FRMPD2: variants seen among roughly 807,000 people sequenced by gnomAD.
The protein encoded by FRMPD2 is FERM and PDZ domain containing 2, also known as FERM and PDZ domain-containing protein 2.
FRMPD2 carries 96 observed loss-of-function variants against 140.1 expected under a neutral mutation model. That is an observed-to-expected ratio of 0.69 (90% CI 0.58 to 0.81). The LOEUF is 0.81. FRMPD2 is among the 40% of genes least tolerant of loss of function. The pLI, the probability that FRMPD2 is intolerant of heterozygous loss-of-function variation, is 0.00. For missense variants in FRMPD2, 1,240 were observed against 1,447.4 expected (o/e 0.86, Z 2.32); for synonymous variants, 449 against 547.6 (o/e 0.82, Z 2.52).
intron 21 of FRMPD2, among the ~76,000 whole-genome samples, chr10:48,180,129 T>C (rs1838506641): frequency 6.6e-6 from 1 of 152,044 alleles, no homozygotes; most frequent in Non-Finnish European, 1.5e-5. Context: ...CACCCTGTCC[T>C]CACTCATCCC....
rs1318231677 is a variant in FRMPD2, at chr10:48,219,175, C to A, written c.1455+3138G>T. ...CTTAGGATCTCAAGGATTTAAAGGTCCTTTTGAAGATTTCTGGGGCAGAAG... is the reference window on the plus strand; with the variant it reads ...CTTAGGATCTCAAGGATTTAAAGGTACTTTTGAAGATTTCTGGGGCAGAAG... On this transcript the variant is annotated intron_variant, in intron 12 of 28. Coordinates refer to ENST00000374201, the MANE Select transcript of FRMPD2 (RefSeq NM_001018071.4). 3.3e-5 allele frequency among the ~76,000 whole-genome samples: 5 copies of A among 151,650 alleles called. No individual in the cohort carries two copies. In the East Asian group the frequency reaches 5.8e-4, roughly 18 times the overall value.
chr10:48,259,498 AT>A (rs1295637716), intron 1 of FRMPD2, among the ~76,000 whole-genome samples: 1 of 152,222 alleles, frequency 6.6e-6, no homozygotes, highest in Admixed American at 6.5e-5. Context: ...AATTTAAAGT[AT>A]TATGCGCTAT....
chr10:48,252,218 CAG>C (rs1840402407), intron 1 of FRMPD2, among the ~76,000 whole-genome samples: 1 of 152,142 alleles, frequency 6.6e-6, no homozygotes, highest in Non-Finnish European at 1.5e-5. Flanking sequence ...ACTCACTAGA[CAG>C]AAGTATAAGC....
rs369047715 is a variant in FRMPD2 at position 48,251,710 on chromosome 10, T to C, written c.26-19A>G. The C allele has an allele frequency of 7.2e-5, 116 of 1,613,704 alleles. No homozygotes were observed. The highest frequency in any genetic ancestry group is 9.5e-5 in the Non-Finnish European group (112 of 1,179,758). On this transcript the variant is annotated intron_variant, in intron 1 of 28. Coordinates refer to ENST00000374201, the MANE Select transcript of FRMPD2 (RefSeq NM_001018071.4). ...CTCATGCCTACAATAAAGACATGCA[T>C]GTGACAGGGCCTCTGCAATGTCCAG...
At chr10:48,192,650 G>C (rs1193193869) in intron 16 of FRMPD2, 34 bp downstream of exon 16, 2 of 1,572,664 alleles carry the variant, frequency 1.3e-6, no homozygotes, top group East Asian at 4.5e-5. Flanking sequence ...GCACATGGTG[G>C]TTTGGGCCCA....
chr10:48,235,303 T>C (rs1291508790), intron 9 of FRMPD2, among the ~76,000 whole-genome samples: 1 of 152,206 alleles, frequency 6.6e-6, no homozygotes, highest in African/African-American at 2.4e-5. Flanking sequence ...ACACAGTGGG[T>C]GCCCGTCAGC....
chr10:48,240,553 T>C (rs1840084171), intron 5 of FRMPD2, 61 bp from the exon 6 acceptor site: 2 of 1,601,126 alleles, frequency 1.2e-6, no homozygotes, highest in African/African-American at 1.3e-5. Context: ...TTTTTATAGA[T>C]ACATGCAAAC....
In FRMPD2 at chr10:48,201,370, G is replaced by A. The variant is rs767225983; in HGVS notation, c.1812C>T (p.Thr604=). The A allele has an allele frequency of 3.1e-6, 5 of 1,613,448 alleles. No individual in the cohort carries two copies. Among genetic ancestry groups the A allele is most frequent in the Admixed American group, 3.3e-5 (2 of 59,970 alleles). Reference sequence around the variant, plus strand: ...TCTTCCCAGTGACACTGCTTGTGATGGTGAACTTTTTTTGCTGAAGGAAGC... The same window carrying A: ...TCTTCCCAGTGACACTGCTTGTGATAGTGAACTTTTTTTGCTGAAGGAAGC... ...GKISTYQKKF[T]ITSSVTGKKH... Residue 604 remains threonine, a synonymous_variant, in exon 15 of 29, where the codon ACC becomes ACT. Coordinates refer to ENST00000374201, the MANE Select transcript of FRMPD2 (RefSeq NM_001018071.4).
At chr10:48,240,228 G>A (rs1840072556) in intron 6 of FRMPD2, 132 bp downstream of exon 6, 2 of 980,200 alleles carry the variant, frequency 2.0e-6, no homozygotes, top group African/African-American at 1.6e-5. Flanking sequence ...CTCTTCAGGG[G>A]CTTCCTGAAA....
At chr10:48,211,913 C>T (rs1442639977) in intron 13 of FRMPD2, 41 bp downstream of exon 13, 1 of 1,595,438 alleles carries the variant, frequency 6.3e-7, no homozygotes, top group Non-Finnish European at 8.6e-7. Flanking sequence ...GCTGCATTCC[C>T]TTGAAGACCA....
chr10:48,175,706 G>T (rs1554792102), intron 23 of FRMPD2, 140 bp downstream of exon 23: 9 of 677,876 alleles, frequency 1.3e-5, no homozygotes, highest in Middle Eastern at 3.9e-4. Context: ...GGTGAGAAAA[G>T]TATGACCTGG....
chr10:48,238,282 G>T (rs76713186), intron 7 of FRMPD2, among the ~76,000 whole-genome samples, 159 bp from the exon 8 acceptor site: 3,309 of 152,282 alleles, frequency 0.022, 68 homozygotes, highest in Middle Eastern at 0.071. Context: ...TTTTTCAAGT[G>T]GGGGAAGCTG....
chr10:48,216,441 G>T (rs372329314), intron 12 of FRMPD2, among the ~76,000 whole-genome samples: 1 of 152,132 alleles, frequency 6.6e-6, no homozygotes, highest in Admixed American at 6.5e-5. Context: ...GACTCTGCTG[G>T]ACTGACTCCA....
chr10:48,232,614 C>A (rs1333506641), intron 9 of FRMPD2, among the ~76,000 whole-genome samples: 1 of 152,176 alleles, frequency 6.6e-6, no homozygotes, highest in Non-Finnish European at 1.5e-5. Flanking sequence ...CTCCCTTGGG[C>A]TCTGCTTCCT....
chr10:48,250,429 G>A (rs774234093), intron 2 of FRMPD2, among the ~76,000 whole-genome samples: 15 of 151,898 alleles, frequency 9.9e-5, no homozygotes, highest in East Asian at 1.9e-4. Flanking sequence ...ACAGAGTTTC[G>A]CGCTCTTGTC....
At chr10:48,238,693 C>G (rs936684381) in intron 7 of FRMPD2, among the ~76,000 whole-genome samples, 2 of 152,166 alleles carry the variant, frequency 1.3e-5, no homozygotes, top group African/African-American at 2.4e-5. Flanking sequence ...ATAAATCACC[C>G]AAACTTCAAA....
chr10:48,204,243 C>T (rs988957016), intron 14 of FRMPD2, among the ~76,000 whole-genome samples: 1 of 152,172 alleles, frequency 6.6e-6, no homozygotes, highest in African/African-American at 2.4e-5. Flanking sequence ...AAATGCTTCC[C>T]TATCAGGGAT....
At chr10:48,188,449 G>C (rs917577397) in intron 16 of FRMPD2, among the ~76,000 whole-genome samples, 1 of 152,216 alleles carries the variant, frequency 6.6e-6, no homozygotes, top group Non-Finnish European at 1.5e-5. Context: ...GTTTGTGCTT[G>C]CCTTGCAGCA....
chr10:48,239,527 T>C lies in FRMPD2; in HGVS notation c.788+78A>G. The C allele has an allele frequency of 5.1e-6, 5 of 984,260 alleles. No homozygotes were observed. In the South Asian group the frequency reaches 7.8e-5, roughly 15 times the overall value. 61.0% of individuals were successfully genotyped at this position (984,260 alleles called of 1,614,324 possible). A position where few individuals can be genotyped will look rare whatever the true frequency, so the allele number is the denominator to read the frequency against. ...CAAGAGGCTTCTTACTAATAATCAG[T>C]AAAGAAATAAGGTACCATAGCCCCC... is the stretch of plus-strand genomic sequence containing the variant. On this transcript the variant is annotated intron_variant, in intron 7 of 28. Transcript: ENST00000374201.
Sources: allele counts gnomAD v4.1 joint callset (sites outside exome capture counted in the v4.1 genomes callset), GRCh38; gene constraint gnomAD v4.1.1; transcripts MANE v1.5; gene names NCBI Gene and HGNC (gene_info 2026-07-23, HGNC 2026-07-21).